KIAA1217: variants seen among roughly 807,000 people sequenced by gnomAD.
KIAA1217 encodes the protein KIAA1217.
A neutral mutation model predicts 163.9 loss-of-function variants in KIAA1217; 88 were observed. That is an observed-to-expected ratio of 0.54 (90% confidence interval 0.45 to 0.64). The LOEUF (loss-of-function observed/expected upper bound fraction) is 0.64, where lower values mean the gene tolerates loss of function less well. Among genes scored for constraint, KIAA1217 ranks in the 30% least tolerant of loss-of-function variants. The pLI, the probability that KIAA1217 is intolerant of heterozygous loss-of-function variation, is 0.00. For missense variants in KIAA1217, 2,372 were observed against 2,475.0 expected (o/e 0.96, Z 0.88); for synonymous variants, 903 against 923.1 (o/e 0.98, Z 0.39).
intron 2 of KIAA1217, among the ~76,000 whole-genome samples, chr10:24,108,391 A>G (rs2062712259): frequency 6.6e-6 from 1 of 152,342 alleles, no homozygotes; most frequent in South Asian, 2.1e-4. Flanking sequence ...TATAGTAAAT[A>G]AGGGCTGGAG....
intron 3 of KIAA1217, among the ~76,000 whole-genome samples, 158 bp downstream of exon 3, chr10:24,381,225 G>T (rs959135916): frequency 6.6e-6 from 1 of 152,206 alleles, no homozygotes; most frequent in African/African-American, 2.4e-5. Context: ...AAGCATTGAG[G>T]ATTTGCCTGC....
At chr10:23,932,955 A>G (rs1253546684) in intron 1 of KIAA1217, among the ~76,000 whole-genome samples, 2 of 152,242 alleles carry the variant, frequency 1.3e-5, no homozygotes, top group South Asian at 2.1e-4. Context: ...GGTTGTTGCT[A>G]TGACAGGTAA....
rs1283738001 is a variant in KIAA1217, at chr10:24,442,903, T to G, written c.846+4424T>G. 6.8e-5 allele frequency among the ~76,000 whole-genome samples: 10 copies of G among 147,710 alleles called. 2 individuals carry two copies. The highest frequency in any genetic ancestry group is 2.1e-4 in the Admixed American group (3 of 14,590). On this transcript the variant is annotated intron_variant, in intron 5 of 20. Transcript: ENST00000376454. ...CTTATTTGAGCATTTATTAAGCACTTTTGTGGGATTTTTTTTTTTTTTTTT... is the reference window on the plus strand; with the variant it reads ...CTTATTTGAGCATTTATTAAGCACTGTTGTGGGATTTTTTTTTTTTTTTTT...
intron 2 of KIAA1217, among the ~76,000 whole-genome samples, chr10:24,289,402 T>C (rs1412027425): frequency 6.6e-6 from 1 of 151,786 alleles, no homozygotes; most frequent in Non-Finnish European, 1.5e-5. Context: ...ATGGAAACAG[T>C]TGGTGGGTGG....
At chr10:24,359,003 C>T (rs1215977699) in intron 2 of KIAA1217, among the ~76,000 whole-genome samples, 3 of 151,648 alleles carry the variant, frequency 2.0e-5, no homozygotes, top group Non-Finnish European at 4.4e-5. Context: ...AGATCACAGT[C>T]GTCCTATAGT....
chr10:23,857,033 G>A (rs537347044), intron 1 of KIAA1217, among the ~76,000 whole-genome samples: 1 of 152,332 alleles, frequency 6.6e-6, no homozygotes, highest in East Asian at 1.9e-4. Flanking sequence ...TGCACCCACT[G>A]TCTGGCACTC....
Position 24,473,862 on chromosome 10 carries a change from G to C in KIAA1217, c.1481G>C (p.Gly494Ala). The change falls in exon 6 of 21, where the codon GGC becomes GCC. Residue 494 changes from glycine (G) to alanine (A), a missense_variant. This residue lies in a region of KIAA1217 where 1,431 missense variants were observed against 1,470.3 expected (regional missense o/e 0.97). Transcript: ENST00000376454. ...IDMHAHYNAHGPPHTMQPDRA... is the reference protein window; with the variant it reads ...IDMHAHYNAHAPPHTMQPDRA... ...ATGCACGCTCACTATAATGCCCACG[G>C]CCCCCCTCACACCATGCAGCCAGAC... is the stretch of plus-strand genomic sequence containing the variant. 1 of 1,613,976 alleles carries C rather than the reference G, an allele frequency of 6.2e-7. No individual in the cohort carries two copies. The highest frequency in any genetic ancestry group is 8.5e-7 in the Non-Finnish European group (1 of 1,180,004).
intron 2 of KIAA1217, among the ~76,000 whole-genome samples, chr10:24,329,872 T>C (rs1198366985): frequency 6.6e-6 from 1 of 152,104 alleles, no homozygotes; most frequent in Non-Finnish European, 1.5e-5. Context: ...GCCAGCACTG[T>C]CTTATGGGGT....
At chr10:24,117,036 T>TTAGTGC in intron 2 of KIAA1217, among the ~76,000 whole-genome samples, 1 of 147,358 alleles carries the variant, frequency 6.8e-6, no homozygotes, top group African/African-American at 2.5e-5. Context: ...CCAAATAGTG[T>TTAGTGC]TTTTTTTTTG....
At chr10:23,829,689 T>A (rs1049429102) in intron 1 of KIAA1217, among the ~76,000 whole-genome samples, 2 of 152,212 alleles carry the variant, frequency 1.3e-5, no homozygotes, top group South Asian at 4.1e-4. Flanking sequence ...TTCAGTTATA[T>A]CCTATTATTT....
chr10:23,790,298 CACATATGCATATAT>C (rs1835750874), intron 1 of KIAA1217, among the ~76,000 whole-genome samples: 1 of 69,932 alleles, frequency 1.4e-5, no homozygotes, highest in African/African-American at 6.7e-5. Context: ...TATGCATATG[CACATATGCATATAT>C]ACATATGCAC....
chr10:23,852,761 T>G (rs930649862), intron 1 of KIAA1217, among the ~76,000 whole-genome samples: 1 of 152,198 alleles, frequency 6.6e-6, no homozygotes, highest in Non-Finnish European at 1.5e-5. Context: ...CTAGGTATTT[T>G]ATTCTCTTTG....
chr10:24,243,478 C>G (rs1295704627), intron 2 of KIAA1217, among the ~76,000 whole-genome samples: 2 of 148,780 alleles, frequency 1.3e-5, no homozygotes, highest in Non-Finnish European at 3.0e-5. Flanking sequence ...TTCATATATA[C>G]CAATTGTTTA....
chr10:24,382,938 C>T (rs1321616244), intron 3 of KIAA1217, among the ~76,000 whole-genome samples: 1 of 150,484 alleles, frequency 6.6e-6, no homozygotes, highest in East Asian at 2.0e-4. Flanking sequence ...GCCTCGACTT[C>T]CCACGTTCAA....
In KIAA1217 at chr10:24,473,640, A is replaced by G; in HGVS notation, c.1259A>G (p.His420Arg). 1.9e-6 allele frequency: 3 copies of G among 1,614,188 alleles called. No homozygotes were observed. The highest frequency in any genetic ancestry group is 2.5e-6 in the Non-Finnish European group (3 of 1,180,032). Reference protein sequence around the residue: ...HGGHPLDVPDHIIAYHRTAIR... With the variant: ...HGGHPLDVPDRIIAYHRTAIR... ...GGACACCCACTGGATGTCCCCGACCACATCATTGCATATCACCGCACCGCC... is the reference window on the plus strand; with the variant it reads ...GGACACCCACTGGATGTCCCCGACCGCATCATTGCATATCACCGCACCGCC... The change falls in exon 6 of 21, where the codon CAC becomes CGC. Residue 420 changes from histidine to arginine, a missense_variant. Transcript: ENST00000376454.
Position 24,501,390 on chromosome 10 carries a change from G to A in KIAA1217, c.1846G>A (p.Val616Met), listed in dbSNP as rs1434264810. 3.1e-6 allele frequency: 5 copies of A among 1,609,154 alleles called. No individual in the cohort carries two copies. Among genetic ancestry groups the A allele is most frequent in the Non-Finnish European group, 4.3e-6 (5 of 1,176,198 alleles). The stretch of plus-strand genomic sequence containing the variant: ...CACTTTTCTCATAGGAACGCCCCAT[G>A]TGTCTGGTGGGAAGATGCTCAGTGC... ...NHTDSAGTPH[V>M]SGGKMLSALE... is the part of the protein sequence containing the mutation. Residue 616 changes from valine (V) to methionine (M), a missense_variant, in exon 9 of 21, where the codon GTG (valine) becomes ATG (methionine). This residue lies in a region of KIAA1217 where 1,431 missense variants were observed against 1,470.3 expected (regional missense o/e 0.97). Transcript: ENST00000376454.
At chr10:24,340,836 A>G (rs1270809899) in intron 2 of KIAA1217, among the ~76,000 whole-genome samples, 1 of 152,268 alleles carries the variant, frequency 6.6e-6, no homozygotes, top group Non-Finnish European at 1.5e-5. Flanking sequence ...AAGGAATCAT[A>G]AAGTTCACTT....
At chr10:23,852,353 T>C (rs1343655836) in intron 1 of KIAA1217, among the ~76,000 whole-genome samples, 6 of 152,326 alleles carry the variant, frequency 3.9e-5, no homozygotes, top group African/African-American at 1.4e-4. Flanking sequence ...CTGAGGGCTC[T>C]GTTCTGTTCC....
chr10:24,278,187 G>A (rs530296603), intron 2 of KIAA1217, among the ~76,000 whole-genome samples: 1 of 152,268 alleles, frequency 6.6e-6, no homozygotes, highest in South Asian at 2.1e-4. Context: ...CCACAGTGGC[G>A]GTGTAAAGGG....
Sources: allele counts gnomAD v4.1 joint callset (sites outside exome capture counted in the v4.1 genomes callset), GRCh38; gene constraint gnomAD v4.1.1; regional missense constraint gnomAD v4.1.1; transcripts MANE v1.5; gene names NCBI Gene and HGNC (gene_info 2026-07-23, HGNC 2026-07-21).